PAIP1: variants seen among roughly 807,000 people sequenced by gnomAD.
PAIP1 encodes the protein poly(A) binding protein interacting protein 1.
In PAIP1, 16 loss-of-function variants were observed where a neutral mutation model predicts 61.3. The ratio of observed to expected loss-of-function variants is 0.26; its 90% CI spans 0.18 to 0.40. The LOEUF (loss-of-function observed/expected upper bound fraction) is 0.40. PAIP1 is among the 10% of genes least tolerant of loss of function. PAIP1 has a pLI of 1.00. For missense variants in PAIP1, 416 were observed against 600.9 expected (o/e 0.69, Z 3.22); for synonymous variants, 187 against 226.2 (o/e 0.83, Z 1.56).
chr5:43,530,014 G>A (rs1410882574), intron 9 of PAIP1, 135 bp from the exon 10 acceptor site: 10 of 601,904 alleles, frequency 1.7e-5, no homozygotes, highest in African/African-American at 3.7e-5. Flanking sequence ...ATTACATATA[G>A]TACTATAGAT....
intron 3 of PAIP1, 132 bp from the exon 4 acceptor site, chr5:43,543,248 T>C: frequency 2.5e-6 from 1 of 395,442 alleles, no homozygotes; most frequent in Non-Finnish European, 4.6e-6. Flanking sequence ...TTGTCATTGT[T>C]AGGCTTAAGG....
At chr5:43,550,014 A>C (rs1408272566) in intron 2 of PAIP1, among the ~76,000 whole-genome samples, 1 of 152,162 alleles carries the variant, frequency 6.6e-6, no homozygotes, top group East Asian at 1.9e-4. Context: ...GAGAGCCACC[A>C]TGCCCGGCCT....
intron 6 of PAIP1, 61 bp downstream of exon 6, chr5:43,536,758 T>G (rs886322612): frequency 2.3e-6 from 2 of 879,170 alleles, no homozygotes; most frequent in Non-Finnish European, 3.6e-6. Context: ...CTATATAGAC[T>G]AACCTTCCTC....
At position 43,527,472 on chromosome 5, in the gene PAIP1, G is replaced by A. The variant is rs767489738; in HGVS notation, c.1347-3C>T. The A allele has an allele frequency of 1.2e-6, 2 of 1,600,466 alleles. No individual in the cohort carries two copies. The highest frequency in any genetic ancestry group is 1.7e-6 in the Non-Finnish European group (2 of 1,173,808). On this transcript the variant is annotated splice_region_variant and splice_polypyrimidine_tract_variant and intron_variant, in intron 10 of 10. Coordinates refer to ENST00000306846, the MANE Select transcript of PAIP1 (RefSeq NM_006451.5). ...CATCATCAATATCATCCAAGTATCT[G>A]TAAAAGCAAAGATGATTCATAAGTG...
intron 2 of PAIP1, among the ~76,000 whole-genome samples, chr5:43,551,762 T>TA (rs1554041149): frequency 8.9e-5 from 13 of 146,746 alleles, no homozygotes; most frequent in Admixed American, 6.1e-4. Flanking sequence ...TTTTTTTTTT[T>TA]AAAGTCAACA....
Position 43,537,087 on chromosome 5 carries a change from ATT to A in PAIP1, c.847-145_847-144del, listed in dbSNP as rs1313033462. 1.6e-5 allele frequency: 8 copies of A among 510,976 alleles called. No individual in the cohort carries two copies. In the Admixed American group the frequency reaches 2.0e-4, roughly 13 times the overall value. 31.7% of individuals were successfully genotyped at this position (510,976 alleles called of 1,614,324 possible). On this transcript the variant is annotated intron_variant, in intron 5 of 10. Coordinates refer to ENST00000306846, the MANE Select transcript of PAIP1 (RefSeq NM_006451.5). ...GAACACACTCTGATATCTTCACAGA[ATT>A]TGTTAGAATTACTTTATATGTAACT...
At chr5:43,542,906 A>G (rs2112403354) in intron 4 of PAIP1, 98 bp downstream of exon 4, 1 of 659,210 alleles carries the variant, frequency 1.5e-6, no homozygotes, top group Middle Eastern at 4.4e-4. Context: ...AGGCTGCCCT[A>G]TTCTTTCCTG....
At chr5:43,555,000 A>G (rs7717636) in intron 2 of PAIP1, among the ~76,000 whole-genome samples, 84,232 of 152,098 alleles carry the variant, frequency 0.55, 24,952 homozygotes, top group African/African-American at 0.73. Flanking sequence ...ATATGGAGTA[A>G]TCTTGATATT....
rs1748129256 is a variant in PAIP1, at chr5:43,557,056, G to GCTCGGCTACC, written c.-220_-211dup. 2.2e-6 allele frequency: 2 copies of GCTCGGCTACC among 901,290 alleles called. No homozygotes were observed. The highest frequency in any genetic ancestry group is 6.9e-5 in the East Asian group (2 of 29,006). 55.8% of individuals were successfully genotyped at this position (901,290 alleles called of 1,614,324 possible). ...CCCGCCGCTCCAGAGCGCCCGCCCC[G>GCTCGGCTACC]CTCGGCTACCCTCGGCTTTCCAGTT... is the stretch of plus-strand genomic sequence containing the variant. On this transcript the variant is annotated 5_prime_UTR_variant, in exon 1 of 11. Coordinates refer to ENST00000306846, the MANE Select transcript of PAIP1 (RefSeq NM_006451.5).
intron 9 of PAIP1, among the ~76,000 whole-genome samples, chr5:43,531,478 T>C (rs1746926260): frequency 1.2e-5 from 1 of 80,998 alleles, no homozygotes; most frequent in Non-Finnish European, 2.4e-5. Context: ...TGAAACCCTG[T>C]CTCAATAAAA....
chr5:43,539,187 T>C lies in PAIP1; in HGVS notation c.735-152A>G, dbSNP rs1306857042. 23 of 582,478 alleles carry C rather than the reference T, an allele frequency of 3.9e-5. 1 individual carries two copies. Among genetic ancestry groups the C allele is most frequent in the South Asian group, 3.7e-4 (17 of 45,962 alleles). The allele number at this position is 582,478 out of a possible 1,614,324, so 36.1% of individuals were successfully genotyped here. Reference sequence around the variant, plus strand: ...CAATAAAGAAACTGTTCCTGACTATTGAAGAGGCTAGAATATACACCATCT... The same window carrying C: ...CAATAAAGAAACTGTTCCTGACTATCGAAGAGGCTAGAATATACACCATCT... On this transcript the variant is annotated intron_variant, in intron 4 of 10. Coordinates refer to ENST00000306846, the MANE Select transcript of PAIP1 (RefSeq NM_006451.5).
chr5:43,551,306 C>T (rs1441455126), intron 2 of PAIP1, among the ~76,000 whole-genome samples: 2 of 152,072 alleles, frequency 1.3e-5, no homozygotes, highest in Non-Finnish European at 2.9e-5. Flanking sequence ...ATTTTATGTA[C>T]AAAGATGTTC....
chr5:43,550,747 A>G (rs538716902), intron 2 of PAIP1, among the ~76,000 whole-genome samples: 2 of 148,668 alleles, frequency 1.3e-5, no homozygotes, highest in Non-Finnish European at 3.0e-5. Context: ...CATGACATGA[A>G]TATCTGCCAT....
intron 10 of PAIP1, among the ~76,000 whole-genome samples, chr5:43,528,116 T>A (rs1472636322): frequency 6.6e-6 from 1 of 152,064 alleles, no homozygotes; most frequent in Non-Finnish European, 1.5e-5. Context: ...CAATTAAGGA[T>A]TTAATCTACA....
intron 4 of PAIP1, among the ~76,000 whole-genome samples, chr5:43,541,813 C>T (rs954508308): frequency 5.3e-5 from 8 of 151,202 alleles, no homozygotes; most frequent in African/African-American, 2.0e-4. Context: ...AAATATCTAA[C>T]ATACTAGCAA....
chr5:43,535,823 TGA>T (rs1268994693), intron 6 of PAIP1, among the ~76,000 whole-genome samples, 183 bp from the exon 7 acceptor site: 1 of 152,100 alleles, frequency 6.6e-6, no homozygotes, highest in African/African-American at 2.4e-5. Context: ...TTCTCTTGAC[TGA>T]GAGAAACTAA....
intron 8 of PAIP1, 127 bp downstream of exon 8, chr5:43,534,726 T>A (rs995813750): frequency 3.2e-6 from 2 of 634,418 alleles, no homozygotes; most frequent in Non-Finnish European, 2.8e-6. Context: ...ATGGCTGCCA[T>A]GTCACTCAAA....
chr5:43,538,743 T>C (rs1747258108), intron 5 of PAIP1, among the ~76,000 whole-genome samples, 181 bp downstream of exon 5: 1 of 152,212 alleles, frequency 6.6e-6, no homozygotes, highest in South Asian at 2.1e-4. Context: ...CATGAGTAAA[T>C]GTTATGGACA....
chr5:43,543,233 G>C (rs1747486432), intron 3 of PAIP1, 117 bp from the exon 4 acceptor site: 1 of 361,676 alleles, frequency 2.8e-6, no homozygotes. Context: ...ATATATACAA[G>C]TCTTTTGTCA....
Sources: allele counts gnomAD v4.1 joint callset (sites outside exome capture counted in the v4.1 genomes callset), GRCh38; gene constraint gnomAD v4.1.1; transcripts MANE v1.5; gene names NCBI Gene and HGNC (gene_info 2026-07-23, HGNC 2026-07-21).